ZNF644: variants seen among roughly 807,000 people sequenced by gnomAD.
The protein encoded by ZNF644 is zinc finger protein 644.
A neutral mutation model predicts 108.0 loss-of-function variants in ZNF644; 20 were observed. The observed-to-expected ratio is 0.19, with a 90% confidence interval of 0.13 to 0.27. The LOEUF (loss-of-function observed/expected upper bound fraction) is 0.27. ZNF644 is among the 10% of genes least tolerant of loss of function. The pLI, the probability that ZNF644 is intolerant of heterozygous loss-of-function variation, is 1.00. For synonymous variants in ZNF644, 542 were observed against 539.1 expected, an observed-to-expected ratio of 1.01 and a Z score of -0.08; for missense variants, 1,338 against 1,548.9, an observed-to-expected ratio of 0.86 and a Z score of 2.29.
At chr1:90,977,975 A>G (rs1367168686) in intron 2 of ZNF644, among the ~76,000 whole-genome samples, 2 of 152,192 alleles carry the variant, frequency 1.3e-5, no homozygotes, top group Non-Finnish European at 2.9e-5. Flanking sequence ...GGGAGAGAAG[A>G]GTTTTACTTT....
intron 1 of ZNF644, among the ~76,000 whole-genome samples, chr1:90,992,772 TG>T (rs1438462262): frequency 6.6e-6 from 1 of 152,202 alleles, no homozygotes; most frequent in East Asian, 1.9e-4. Context: ...GTCCGCCAGG[TG>T]CAGTGGCTCA....
chr1:90,962,507 A>T (rs1654434121), intron 2 of ZNF644, among the ~76,000 whole-genome samples: 1 of 152,114 alleles, frequency 6.6e-6, no homozygotes. Flanking sequence ...TTCTAGATAG[A>T]AGGTAGATCT....
intron 1 of ZNF644, among the ~76,000 whole-genome samples, chr1:90,998,765 A>G (rs1007340605): frequency 6.6e-6 from 1 of 152,236 alleles, no homozygotes; most frequent in African/African-American, 2.4e-5. Flanking sequence ...TAAAGGAGGA[A>G]GTTCAAACCC....
At chr1:91,020,373 C>A (rs1300815404) in intron 1 of ZNF644, 1 of 152,190 alleles carries the variant, frequency 6.6e-6, no homozygotes, top group East Asian at 1.9e-4. Context: ...ATTGCCAACA[C>A]AAAACATTAG....
chr1:90,964,714 T>C (rs948176463), intron 2 of ZNF644, among the ~76,000 whole-genome samples: 18 of 152,140 alleles, frequency 1.2e-4, no homozygotes, highest in African/African-American at 1.7e-4. Context: ...AATATTATAC[T>C]GGAATGGAAA....
intron 4 of ZNF644, among the ~76,000 whole-genome samples, chr1:90,927,349 A>C (rs1464311777): frequency 1.8e-4 from 27 of 151,746 alleles, no homozygotes. Flanking sequence ...TGAATTAGTG[A>C]AAAAATCAGC....
chr1:90,918,531 T>C (rs751844814), intron 4 of ZNF644: 2 of 193,974 alleles, frequency 1.0e-5, no homozygotes, highest in African/African-American at 2.3e-5. Flanking sequence ...TAATATCTGG[T>C]TTAATCTTAT....
chr1:90,967,568 A>T (rs946006199), intron 2 of ZNF644, among the ~76,000 whole-genome samples: 9 of 152,230 alleles, frequency 5.9e-5, no homozygotes, highest in Admixed American at 2.0e-4. Context: ...ACTAAAAGGT[A>T]GTAGTCAACC....
chr1:90,992,546 G>C (rs533273206), intron 1 of ZNF644, among the ~76,000 whole-genome samples: 1 of 152,186 alleles, frequency 6.6e-6, no homozygotes, highest in South Asian at 2.1e-4. Flanking sequence ...GAGTAATCTG[G>C]ACTACTGGAC....
chr1:91,010,524 C>CT (rs1659865369), intron 1 of ZNF644, among the ~76,000 whole-genome samples: 3 of 151,416 alleles, frequency 2.0e-5, no homozygotes, highest in Non-Finnish European at 2.9e-5. Flanking sequence ...AATATCTGTG[C>CT]TTTTTTAACA....
At chr1:91,009,832 A>G (rs1659783722) in intron 1 of ZNF644, among the ~76,000 whole-genome samples, 2 of 152,242 alleles carry the variant, frequency 1.3e-5, no homozygotes, top group Admixed American at 1.3e-4. Flanking sequence ...GTCATATGCA[A>G]ACTCTATCTC....
chr1:90,991,660 G>A (rs1284202270), intron 1 of ZNF644, among the ~76,000 whole-genome samples: 1 of 152,146 alleles, frequency 6.6e-6, no homozygotes, highest in Non-Finnish European at 1.5e-5. Context: ...GGTGGAGCAG[G>A]AGAATAAGAG....
At chr1:90,982,284 A>G in intron 2 of ZNF644, 26 bp downstream of exon 2, 1 of 1,587,826 alleles carries the variant, frequency 6.3e-7, no homozygotes, top group Middle Eastern at 1.7e-4. Context: ...TGATATGTAC[A>G]TTTAACAAAG....
intron 2 of ZNF644, among the ~76,000 whole-genome samples, chr1:90,955,623 C>T (rs2101081508): frequency 6.6e-6 from 1 of 152,332 alleles, no homozygotes; most frequent in East Asian, 1.9e-4. Flanking sequence ...TAGCTTCCAA[C>T]TTTTCTTCCG....
At chr1:91,002,673 A>T (rs1309023526) in intron 1 of ZNF644, among the ~76,000 whole-genome samples, 1 of 152,218 alleles carries the variant, frequency 6.6e-6, no homozygotes, top group Non-Finnish European at 1.5e-5. Context: ...GCCAAAATTG[A>T]CAAATGGGAT....
chr1:90,941,376 G>A, intron 2 of ZNF644, 67 bp from the exon 3 acceptor site: 1 of 1,366,322 alleles, frequency 7.3e-7, no homozygotes, highest in South Asian at 1.3e-5. Context: ...TGTATGGAGA[G>A]TTGAAAGTAC....
At position 91,005,264 on chromosome 1, in the gene ZNF644, A is replaced by G. The variant is rs12092045; in HGVS notation, c.-18+16726T>C. The stretch of plus-strand genomic sequence containing the variant: ...ATGTTTTGTAACAATAAAAAGGTCA[A>G]TCCATCAAAATTACATGCCACTTAT... On this transcript the variant is annotated intron_variant, in intron 1 of 5. Transcript: ENST00000337393. Among the ~76,000 whole-genome samples the G allele has an allele frequency of 3.1e-3, 477 of 152,316 alleles. 5 individuals carry two copies. Among genetic ancestry groups the G allele is most frequent in the African/African-American group, 0.011 (456 of 41,590 alleles).
chr1:90,980,066 T>C (rs1029338078), intron 2 of ZNF644, among the ~76,000 whole-genome samples: 1 of 150,808 alleles, frequency 6.6e-6, no homozygotes, highest in African/African-American at 2.4e-5. Flanking sequence ...GCATTCTGAA[T>C]CTCTATTTGC....
chr1:91,008,469 G>C (rs1327038200), intron 1 of ZNF644, among the ~76,000 whole-genome samples: 1 of 152,170 alleles, frequency 6.6e-6, no homozygotes, highest in Admixed American at 6.5e-5. Flanking sequence ...GAACTCTGGA[G>C]CCATACACAG....
Sources: gnomAD v4.1 joint callset for allele counts (sites outside exome capture counted in the v4.1 genomes callset) on GRCh38, gnomAD v4.1.1 for gene constraint, MANE v1.5 for transcripts, NCBI Gene and HGNC (gene_info 2026-07-23, HGNC 2026-07-21) for gene names.